DCHS1: variants seen among roughly 807,000 people sequenced by gnomAD.
The protein encoded by DCHS1 is dachsous cadherin-related 1.
Under a neutral mutation model 213.9 loss-of-function variants are expected in DCHS1, and 78 were observed. That is an observed-to-expected ratio of 0.36 (90% CI 0.30 to 0.44). DCHS1 has a LOEUF of 0.44. Among genes scored for constraint, DCHS1 ranks in the 20% least tolerant of loss-of-function variants. The probability of loss-of-function intolerance (pLI) is 1.00; values close to 1 mark genes in which losing one functional copy is unlikely to be tolerated. For synonymous variants in DCHS1, 1,828 were observed against 1,873.7 expected (o/e 0.98, Z 0.63); for missense variants, 3,946 against 4,395.9 (o/e 0.90, Z 2.89).
At chr11:6,636,541 T>C (rs561820515) in intron 2 of DCHS1, among the ~76,000 whole-genome samples, 36 of 152,208 alleles carry the variant, frequency 2.4e-4, no homozygotes, top group African/African-American at 8.2e-4. Flanking sequence ...GCTCTCACTA[T>C]GTTGTCCAGG....
At chr11:6,647,156 G>A (rs1856171807) in intron 1 of DCHS1, among the ~76,000 whole-genome samples, 1 of 152,212 alleles carries the variant, frequency 6.6e-6, no homozygotes, top group Non-Finnish European at 1.5e-5. Context: ...GCAAAGGGGT[G>A]AGGATACAGG....
chr11:6,621,755 G>C lies in DCHS1; in HGVS notation c.*24C>G. On this transcript the variant is annotated 3_prime_UTR_variant, in exon 21 of 21. Transcript: ENST00000299441. ...GTTGGGGACACTGTGCGCATCCCAG[G>C]TCGGGGCCCAGCCTGGGCCACAGCT... 6.4e-7 allele frequency: 1 copy of C among 1,556,278 alleles called. No homozygotes were observed. The highest frequency in any genetic ancestry group is 8.7e-7 in the Non-Finnish European group (1 of 1,151,722).
rs1382206365 is a variant in DCHS1, at chr11:6,639,882, A to G, written c.1732T>C (p.Phe578Leu). 22 of 1,613,608 alleles carry G rather than the reference A, an allele frequency of 1.4e-5. No homozygotes were observed. The highest frequency in any genetic ancestry group is 1.6e-5 in the Non-Finnish European group (19 of 1,179,704). ...LQDVNDNEPQFQRTFYNASLP... is the reference protein window; with the variant it reads ...LQDVNDNEPQLQRTFYNASLP... The stretch of plus-strand genomic sequence containing the variant: ...GAGGCATTGTAGAAAGTCCTCTGGA[A>G]TTGGGGCTCATTATCATTCACATCT... The change falls in exon 2 of 21, where the codon TTC becomes CTC. Residue 578 changes from phenylalanine to leucine, a missense_variant. Around this residue, in one of 3 missense-constraint regions of DCHS1, gnomAD observed 3,384 missense variants for 3,780.1 expected, o/e 0.90. Transcript: ENST00000299441.
chr11:6,622,437 G>A lies in DCHS1; in HGVS notation c.9239C>T (p.Ser3080Phe), dbSNP rs769376112. ...QQDADGLSDT[S>F]CEPPAPDTWY... ...GGTGTCAGGGGCAGGTGGTTCGCAG[G>A]ATGTGTCACTCAGACCATCTGCATC... The change falls in exon 21 of 21, where the codon TCC becomes TTC. Residue 3080 changes from serine to phenylalanine, a missense_variant. Physicochemically the swap from Ser to Phe is radical, Grantham distance 155. Around this residue, in one of 3 missense-constraint regions of DCHS1, gnomAD observed 554 missense variants for 590.2 expected, o/e 0.94. Transcript: ENST00000299441. The surrounding 1 kb of genome is among the most constrained non-coding windows in gnomAD (Gnocchi z 5.4). 11 of 1,557,748 alleles carry A rather than the reference G, an allele frequency of 7.1e-6. No homozygotes were observed. The highest frequency in any genetic ancestry group is 1.7e-4 in the Middle Eastern group (1 of 5,966).
chr11:6,626,375 T>C lies in DCHS1; in HGVS notation c.6370A>G (p.Ile2124Val), dbSNP rs775693334. 3 of 1,613,288 alleles carry C rather than the reference T, an allele frequency of 1.9e-6. No individual in the cohort carries two copies. In the Admixed American group the frequency reaches 5.0e-5, roughly 27 times the overall value. Residue 2124 changes from isoleucine to valine, a missense_variant, in exon 16 of 21, where the codon ATC (isoleucine) becomes GTC (valine). Around this residue, in one of 3 missense-constraint regions of DCHS1, gnomAD observed 3,384 missense variants for 3,780.1 expected, o/e 0.90. Transcript: ENST00000299441. This position sits in a 1 kb window ranked among gnomAD's most constrained non-coding sequence, Gnocchi z 5.2. The part of the protein sequence containing the change: ...TFSIQPSTGA[I>V]TVRSAEGLDF... ...AGCCCCTCTGCTGAGCGAACTGTGA[T>C]GGCACCTGGGCGAGATAGAATGCAT...
Position 6,628,482 on chromosome 11 carries a change from A to G in DCHS1, c.5371+139T>C, listed in dbSNP as rs74053459. On this transcript the variant is annotated intron_variant, in intron 13 of 20. Transcript: ENST00000299441. This position sits in a 1 kb window ranked among gnomAD's most constrained non-coding sequence, Gnocchi z 4.3. ...AATGAGATACCTAGCTACACTGGGT[A>G]TAAGCATGAAAGAAAAGGTGGACGA... The G allele has an allele frequency of 1.2e-3, 1,045 of 841,704 alleles. 12 individuals are homozygous for G. The African/African-American group carries it at 0.015, about 12-fold the overall frequency. The allele number at this position is 841,704 out of a possible 1,614,324, so 52.1% of individuals were successfully genotyped here.
rs1335346321 is a variant in DCHS1 at position 6,623,934 on chromosome 11, G to A, written c.7742C>T (p.Pro2581Leu). 2.0e-5 allele frequency: 32 copies of A among 1,606,952 alleles called. 1 individual carries two copies. In the Admixed American group the frequency reaches 5.3e-4, roughly 27 times the overall value. The change falls in exon 21 of 21, where the codon CCC becomes CTC. Residue 2581 changes from proline (P) to leucine (L), a missense_variant. Pro to Leu is a moderately conservative substitution (Grantham distance 98, BLOSUM62 -3). This residue lies in a region of DCHS1 where 3,384 missense variants were observed against 3,780.1 expected (regional missense o/e 0.90). Transcript: ENST00000299441. Reference protein sequence around the residue: ...TVAAADRGQPPQSSVVPVTVT... With the variant: ...TVAAADRGQPLQSSVVPVTVT... Reference sequence around the variant, plus strand: ...AGTGACTGGCACGACTGAGCTTTGGGGTGGCTGCCCACGGTCAGCTGCAGC... The same window carrying A: ...AGTGACTGGCACGACTGAGCTTTGGAGTGGCTGCCCACGGTCAGCTGCAGC...
rs760508449 is a variant in DCHS1 at position 6,632,251 on chromosome 11, G to T, written c.3261C>A (p.Gly1087=). 3 of 1,613,698 alleles carry T rather than the reference G, an allele frequency of 1.9e-6. No homozygotes were observed. Among genetic ancestry groups the T allele is most frequent in the Admixed American group, 1.7e-5 (1 of 59,982 alleles). ...GSKAELGQQT[G]TATVRVSILN... Reference sequence around the variant, plus strand: ...GGATGCTGACCCTCACGGTGGCTGTGCCTGTCTGCTGCCCCAACTCAGCTT... The same window carrying T: ...GGATGCTGACCCTCACGGTGGCTGTTCCTGTCTGCTGCCCCAACTCAGCTT... The change falls in exon 6 of 21, where the codon GGC becomes GGA. Residue 1087 remains glycine, a synonymous_variant. Transcript: ENST00000299441. The surrounding 1 kb of genome is among the most constrained non-coding windows in gnomAD (Gnocchi z 5.9).
At chr11:6,646,132 C>A (rs972401060) in intron 1 of DCHS1, among the ~76,000 whole-genome samples, 10 of 151,812 alleles carry the variant, frequency 6.6e-5, no homozygotes, top group South Asian at 4.2e-4. Flanking sequence ...ACACACACAC[C>A]CACCCTCCAC....
rs369498756 is a variant in DCHS1 at position 6,626,387 on chromosome 11, G to A, written c.6365-7C>T. The A allele has an allele frequency of 2.1e-5, 34 of 1,612,360 alleles. No homozygotes were observed. Among genetic ancestry groups the A allele is most frequent in the East Asian group, 6.7e-5 (3 of 44,842 alleles). On this transcript the variant is annotated splice_region_variant and splice_polypyrimidine_tract_variant and intron_variant, in intron 15 of 20. Coordinates refer to ENST00000299441, the MANE Select transcript of DCHS1 (RefSeq NM_003737.4). This position sits in a 1 kb window ranked among gnomAD's most constrained non-coding sequence, Gnocchi z 5.2. ...GAGCGAACTGTGATGGCACCTGGGC[G>A]AGATAGAATGCATCAGTGATAGCCC...
At chr11:6,646,774 G>A (rs944715083) in intron 1 of DCHS1, among the ~76,000 whole-genome samples, 2 of 152,130 alleles carry the variant, frequency 1.3e-5, no homozygotes, top group East Asian at 1.9e-4. Context: ...GGAGGGGGAG[G>A]GGCAAGACTG....
chr11:6,642,190 C>G (rs1247215607), intron 1 of DCHS1, among the ~76,000 whole-genome samples: 2 of 152,268 alleles, frequency 1.3e-5, no homozygotes, highest in South Asian at 4.1e-4. Context: ...CTCTCCCCAC[C>G]CACCACCCTG....
In DCHS1 at chr11:6,628,742, G is replaced by A. The variant is rs533411916; in HGVS notation, c.5250C>T (p.Thr1750=). 3 of 1,613,902 alleles carry A rather than the reference G, an allele frequency of 1.9e-6. No individual in the cohort carries two copies. The highest frequency in any genetic ancestry group is 1.1e-5 in the South Asian group (1 of 91,092). The change falls in exon 13 of 21, where the codon ACC becomes ACT. Residue 1750 remains threonine (T), a synonymous_variant. Transcript: ENST00000299441. This position sits in a 1 kb window ranked among gnomAD's most constrained non-coding sequence, Gnocchi z 4.3. ...CCAGAGAGAGATGGGCACTCCCAAAGGTTGGTGCATGGTCATTCTCATCCT... is the reference window on the plus strand; with the variant it reads ...CCAGAGAGAGATGGGCACTCCCAAAAGTTGGTGCATGGTCATTCTCATCCT... ...AVEDENDHAP[T]FGSAHLSLEV... is the part of the protein sequence containing the mutation.
At chr11:6,651,272 G>A (rs1300672705) in intron 1 of DCHS1, among the ~76,000 whole-genome samples, 4 of 152,228 alleles carry the variant, frequency 2.6e-5, no homozygotes, top group Non-Finnish European at 5.9e-5. Context: ...CAGGAGGGAA[G>A]GGAGTGAAGG....
At position 6,630,203 on chromosome 11, in the gene DCHS1, AAACGCGCGCTG is replaced by A; in HGVS notation, c.4580_4590del (p.Ala1527ValfsTer9). The A allele has an allele frequency of 6.3e-7, 1 of 1,579,442 alleles. No homozygotes were observed. Among genetic ancestry groups the A allele is most frequent in the African/African-American group, 1.3e-5 (1 of 74,118 alleles). Reference sequence around the variant, plus strand: ...TCATCCGTGACGAAGACGCGCGCTGAAACGCGCGCTGCACGACGGCGGCTGGCGTTGGCGGG... The same window carrying A: ...TCATCCGTGACGAAGACGCGCGCTGACACGACGGCGGCTGGCGTTGGCGGG... On this transcript the variant is annotated frameshift_variant, in exon 10 of 21. Coordinates refer to ENST00000299441, the MANE Select transcript of DCHS1 (RefSeq NM_003737.4). LOFTEE classifies it high-confidence loss of function.
rs533069616 is a variant in DCHS1, at chr11:6,642,837, C to T, written c.-120-1104G>A. On this transcript the variant is annotated intron_variant, in intron 1 of 20. Coordinates refer to ENST00000299441, the MANE Select transcript of DCHS1 (RefSeq NM_003737.4). Reference sequence around the variant, plus strand: ...GCAGTCCTTTGGAAAGCAAAGATCACGCAGATTGGACAGTGAGGAGGCACT... The same window carrying T: ...GCAGTCCTTTGGAAAGCAAAGATCATGCAGATTGGACAGTGAGGAGGCACT... 5.3e-5 allele frequency among the ~76,000 whole-genome samples: 8 copies of T among 152,234 alleles called. No individual in the cohort carries two copies. The East Asian group carries it at 9.6e-4, about 18-fold the overall frequency.
chr11:6,624,259 G>A lies in DCHS1; in HGVS notation c.7417C>T (p.Gln2473Ter). 1 of 1,611,708 alleles carries A rather than the reference G, an allele frequency of 6.2e-7. No individual in the cohort carries two copies. The highest frequency in any genetic ancestry group is 8.5e-7 in the Non-Finnish European group (1 of 1,179,142). The change falls in exon 21 of 21, where the codon CAG becomes TAG. Residue 2473 changes from glutamine to a stop codon, truncating the protein, a stop_gained. Transcript: ENST00000299441. LOFTEE classifies it high-confidence loss of function. ...CTCGGGGCGTGGTCGTTCTGGTCCT[G>A]CAGCTGCACGTGCACTGTGGCTCGT... is the stretch of plus-strand genomic sequence containing the variant. The part of the protein sequence containing the change: ...AARATVHVQL[Q>*]DQNDHAPSFT...
At position 6,642,727 on chromosome 11, in the gene DCHS1, A is replaced by G. The variant is rs181948736; in HGVS notation, c.-120-994T>C. Among the ~76,000 whole-genome samples the G allele has an allele frequency of 3.9e-3, 588 of 152,266 alleles. 8 individuals are homozygous for G. The highest frequency in any genetic ancestry group is 0.013 in the African/African-American group (560 of 41,550). On this transcript the variant is annotated intron_variant, in intron 1 of 20. Coordinates refer to ENST00000299441, the MANE Select transcript of DCHS1 (RefSeq NM_003737.4). ...TGTAAGCTGTATTGAAGATTTTGAC[A>G]TTATCCTAAAGGCAAATGGAAGCCA...
chr11:6,638,173 C>G (rs935898735), intron 2 of DCHS1, among the ~76,000 whole-genome samples: 1 of 152,148 alleles, frequency 6.6e-6, no homozygotes, highest in South Asian at 2.1e-4. Flanking sequence ...AAGAGGTCAG[C>G]CAGGCCCAGA....
Sources: allele counts gnomAD v4.1 joint callset (sites outside exome capture counted in the v4.1 genomes callset), GRCh38; gene constraint gnomAD v4.1.1; regional missense constraint gnomAD v4.1.1; non-coding constraint Gnocchi (gnomAD v3.1); transcripts MANE v1.5; gene names NCBI Gene and HGNC (gene_info 2026-07-23, HGNC 2026-07-21).